The following C6orf58 variants were observed in gnomAD, a reference collection of about 807,000 sequenced individuals.
C6orf58 encodes chromosome 6 open reading frame 58, also known as protein LEG1 homolog.
C6orf58 carries 30 observed loss-of-function variants against 37.0 expected under a neutral mutation model. The observed-to-expected ratio is 0.81, with a 90% CI of 0.61 to 1.10. The LOEUF (loss-of-function observed/expected upper bound fraction) is 1.10. C6orf58 is among the 50% of genes least tolerant of loss of function. The pLI is 0.00. For synonymous variants in C6orf58, 143 were observed against 134.1 expected, an observed-to-expected ratio of 1.07 and a Z score of -0.46; for missense variants, 368 against 387.5, an observed-to-expected ratio of 0.95 and a Z score of 0.42.
chr6:127,582,334 A>G (rs1023511391), intron 4 of C6orf58, among the ~76,000 whole-genome samples: 1 of 152,164 alleles, frequency 6.6e-6, no homozygotes, highest in African/African-American at 2.4e-5. Context: ...AGGAACCTCA[A>G]TGAATTGAAC....
At position 127,591,703 on chromosome 6, in the gene C6orf58, A is replaced by C; in HGVS notation, c.*81A>C. ...AACTTGACAATCAGTAATTTCAAAA[A>C]ATTAATGTCATCATGACCATGTAGT... On this transcript the variant is annotated 3_prime_UTR_variant, in exon 6 of 6. Coordinates refer to ENST00000329722, the MANE Select transcript of C6orf58 (RefSeq NM_001010905.3). 5 of 1,227,732 alleles carry C rather than the reference A, an allele frequency of 4.1e-6. No individual in the cohort carries two copies. Among genetic ancestry groups the C allele is most frequent in the Non-Finnish European group, 5.4e-6 (5 of 928,994 alleles). 76.1% of individuals were successfully genotyped at this position (1,227,732 alleles called of 1,614,324 possible).
In C6orf58 at chr6:127,581,166, G is replaced by T. The variant is rs1775045679; in HGVS notation, c.574-16G>T. The T allele has an allele frequency of 1.6e-6, 2 of 1,227,526 alleles. No homozygotes were observed. The highest frequency in any genetic ancestry group is 3.4e-5 in the South Asian group (2 of 58,362). 76.0% of individuals were successfully genotyped at this position (1,227,526 alleles called of 1,614,324 possible). ...TAGTTGCTCAAATATTAATAAATTT[G>T]ACCTCTTTACCTTAGTATTTGCAGT... is the stretch of plus-strand genomic sequence containing the variant. On this transcript the variant is annotated splice_polypyrimidine_tract_variant and intron_variant, in intron 3 of 5. Transcript: ENST00000329722.
chr6:127,578,652 TAATA>T lies in C6orf58; in HGVS notation c.302-29_302-26del, dbSNP rs777052596. 9 of 1,496,200 alleles carry T rather than the reference TAATA, an allele frequency of 6.0e-6. No homozygotes were observed. In the South Asian group the frequency reaches 9.2e-5, roughly 15 times the overall value. 92.7% of individuals were successfully genotyped at this position (1,496,200 alleles called of 1,614,324 possible). A position where few individuals can be genotyped will look rare whatever the true frequency, so the allele number is the denominator to read the frequency against. Reference sequence around the variant, plus strand: ...GTTACAGCCAGTTTCAAAATGCGTATAATAAATACGACTGTGCATCCTCTCTCCT... The same window carrying T: ...GTTACAGCCAGTTTCAAAATGCGTATAATACGACTGTGCATCCTCTCTCCT... On this transcript the variant is annotated intron_variant, in intron 1 of 5. Transcript: ENST00000329722.
intron 2 of C6orf58, among the ~76,000 whole-genome samples, chr6:127,579,880 AT>A (rs1775029164): frequency 1.3e-5 from 2 of 152,108 alleles, no homozygotes; most frequent in East Asian, 3.8e-4. Flanking sequence ...TTAGAGAAAA[AT>A]ACAAGTACAA....
In C6orf58 at chr6:127,591,724, G is replaced by T; in HGVS notation, c.*102G>T. ...AAAAAATTAATGTCATCATGACCAT[G>T]TAGTTTATTCTTTCTGATATTTTTG... On this transcript the variant is annotated 3_prime_UTR_variant, in exon 6 of 6. Coordinates refer to ENST00000329722, the MANE Select transcript of C6orf58 (RefSeq NM_001010905.3). The T allele has an allele frequency of 9.7e-7, 1 of 1,027,766 alleles. No individual in the cohort carries two copies. 63.7% of individuals were successfully genotyped at this position (1,027,766 alleles called of 1,614,324 possible).
rs572159458 is a variant in C6orf58, at chr6:127,591,607, T to C, written c.978T>C (p.Tyr326=). Residue 326 remains tyrosine (Y), a synonymous_variant, in exon 6 of 6, where the codon TAT becomes TAC. Coordinates refer to ENST00000329722, the MANE Select transcript of C6orf58 (RefSeq NM_001010905.3). Reference sequence around the variant, plus strand: ...ATTCGGAATCTAGCTCTAGAAGTTATGGAAATAACTCCTGAAACATTTAAC... The same window carrying C: ...ATTCGGAATCTAGCTCTAGAAGTTACGGAAATAACTCCTGAAACATTTAAC... ...RDHSESSSRS[Y]GNNS is the part of the protein sequence containing the mutation. The C allele has an allele frequency of 5.7e-5, 87 of 1,519,524 alleles. No homozygotes were observed. The highest frequency in any genetic ancestry group is 7.2e-5 in the Non-Finnish European group (82 of 1,139,276). 94.1% of individuals were successfully genotyped at this position (1,519,524 alleles called of 1,614,324 possible).
intron 4 of C6orf58, among the ~76,000 whole-genome samples, chr6:127,587,556 T>C (rs1775119662): frequency 6.6e-6 from 1 of 152,194 alleles, no homozygotes; most frequent in Non-Finnish European, 1.5e-5. Context: ...AGGTCTCTGC[T>C]TTGTCAAGGT....
chr6:127,581,991 G>A (rs140059294), intron 4 of C6orf58, among the ~76,000 whole-genome samples: 192 of 152,270 alleles, frequency 1.3e-3, no homozygotes, highest in Non-Finnish European at 2.3e-3. Flanking sequence ...GCTACATATC[G>A]TGGCAATTTT....
rs117572080 is a variant in C6orf58, at chr6:127,577,523, C to T, written c.301+37C>T. On this transcript the variant is annotated intron_variant, in intron 1 of 5. Coordinates refer to ENST00000329722, the MANE Select transcript of C6orf58 (RefSeq NM_001010905.3). ...TCTTGTTTTCATTGTAATGATCTAC[C>T]GATAGACCTATGAAGTATTTGGGAA... 7.4e-4 allele frequency: 1,167 copies of T among 1,576,256 alleles called. 1 individual carries two copies. Among genetic ancestry groups the T allele is most frequent in the East Asian group, 3.8e-3 (171 of 44,706 alleles).
chr6:127,577,673 T>G (rs2114287902), intron 1 of C6orf58, among the ~76,000 whole-genome samples, 187 bp downstream of exon 1: 1 of 152,274 alleles, frequency 6.6e-6, no homozygotes, highest in South Asian at 2.1e-4. Context: ...CTTTTGTGGG[T>G]TGTGTGTTAT....
At chr6:127,578,594 A>G in intron 1 of C6orf58, 92 bp from the exon 2 acceptor site, 2 of 748,438 alleles carry the variant, frequency 2.7e-6, no homozygotes, top group Non-Finnish European at 4.5e-6. Context: ...ATGCTTTTGT[A>G]TCTACAAACA....
chr6:127,578,651 A>G (rs778926603), intron 1 of C6orf58, 35 bp from the exon 2 acceptor site: 3 of 1,487,136 alleles, frequency 2.0e-6, no homozygotes, highest in Admixed American at 1.7e-5. Context: ...CAAAATGCGT[A>G]TAATAAATAC....
At chr6:127,583,512 GA>G (rs1363219085) in intron 4 of C6orf58, among the ~76,000 whole-genome samples, 1 of 151,672 alleles carries the variant, frequency 6.6e-6, no homozygotes, top group African/African-American at 2.4e-5. Context: ...TTCTTCTGGG[GA>G]AAAAAAACGT....
intron 5 of C6orf58, among the ~76,000 whole-genome samples, chr6:127,591,167 A>C (rs1311027122): frequency 6.6e-6 from 1 of 152,156 alleles, no homozygotes; most frequent in Non-Finnish European, 1.5e-5. Context: ...CATTCTGTGA[A>C]AATTTTTCTT....
rs1774999891 is a variant in C6orf58 at position 127,577,335 on chromosome 6, C to T, written c.150C>T (p.Tyr50=). 1.2e-6 allele frequency: 2 copies of T among 1,613,484 alleles called. No individual in the cohort carries two copies. Among genetic ancestry groups the T allele is most frequent in the East Asian group, 2.2e-5 (1 of 44,874 alleles). The change falls in exon 1 of 6, where the codon TAC becomes TAT. Residue 50 remains tyrosine, a synonymous_variant. Transcript: ENST00000329722. The part of the protein sequence containing the change: ...LSDYRVENSM[Y]IINPWVYLER... ...ACTACAGGGTGGAGAACAGCATGTA[C>T]ATTATTAATCCCTGGGTATACCTTG...
At chr6:127,581,321 T>C in intron 4 of C6orf58, 39 bp downstream of exon 4, 1 of 917,446 alleles carries the variant, frequency 1.1e-6, no homozygotes, top group Non-Finnish European at 1.6e-6. Context: ...TTTAATATGA[T>C]AAATAATTTT....
At chr6:127,586,076 T>C (rs2114297552) in intron 4 of C6orf58, among the ~76,000 whole-genome samples, 1 of 152,310 alleles carries the variant, frequency 6.6e-6, no homozygotes, top group Non-Finnish European at 1.5e-5. Flanking sequence ...AAATTTCCAG[T>C]GAACACTAGG....
At chr6:127,590,058 A>G (rs762649107) in intron 4 of C6orf58, 29 bp from the exon 5 acceptor site, 5 of 1,500,814 alleles carry the variant, frequency 3.3e-6, no homozygotes, top group Non-Finnish European at 4.6e-6. Flanking sequence ...GACTAATTAT[A>G]ATTAAATACT....
At chr6:127,580,909 GA>G (rs1775042769) in intron 3 of C6orf58, among the ~76,000 whole-genome samples, 1 of 151,844 alleles carries the variant, frequency 6.6e-6, no homozygotes, top group South Asian at 2.1e-4. Flanking sequence ...GTGTTAACAG[GA>G]AAAAATAAAG....
Sources: gnomAD v4.1 joint callset for allele counts (sites outside exome capture counted in the v4.1 genomes callset) on GRCh38, gnomAD v4.1.1 for gene constraint, MANE v1.5 for transcripts, NCBI Gene and HGNC (gene_info 2026-07-23, HGNC 2026-07-21) for gene names.